The following SDK1 variants were observed in gnomAD, a reference collection of about 807,000 sequenced individuals.
SDK1 encodes protein sidekick-1.
A neutral mutation model predicts 245.5 loss-of-function variants in SDK1; 157 were observed. That is an observed-to-expected ratio of 0.64 (90% confidence interval 0.56 to 0.73). SDK1 has a LOEUF of 0.73. Ranked by LOEUF, SDK1 falls within the 30% of genes least tolerant of loss-of-function variation. SDK1 has a pLI of 0.00. For missense variants in SDK1, 3,583 were observed against 3,002.3 expected, an observed-to-expected ratio of 1.19 and a Z score of -4.52; for synonymous variants, 1,647 against 1,278.5, an observed-to-expected ratio of 1.29 and a Z score of -6.15.
chr7:4,116,423 C>G (rs1880856), intron 25 of SDK1, among the ~76,000 whole-genome samples: 102,157 of 152,176 alleles, frequency 0.67, 35,474 homozygotes, highest in East Asian at 0.89. Flanking sequence ...TGCATCTGCA[C>G]GTGCCACCCG....
chr7:3,561,071 T>C (rs1470586443), intron 1 of SDK1, among the ~76,000 whole-genome samples: 1 of 152,150 alleles, frequency 6.6e-6, no homozygotes, highest in African/African-American at 2.4e-5. Context: ...TTTCTTTCCT[T>C]CCCTTCCCCC....
chr7:3,833,809 C>G (rs1042407332), intron 5 of SDK1, among the ~76,000 whole-genome samples: 1 of 152,148 alleles, frequency 6.6e-6, no homozygotes, highest in African/African-American at 2.4e-5. Context: ...TTGTAAAAAC[C>G]ATGACAGCAT....
At chr7:3,647,332 C>T (rs1377575570) in intron 4 of SDK1, among the ~76,000 whole-genome samples, 2 of 152,144 alleles carry the variant, frequency 1.3e-5, no homozygotes, top group Non-Finnish European at 2.9e-5. Flanking sequence ...AAAGACTTCC[C>T]ACTGTGTACA....
intron 1 of SDK1, among the ~76,000 whole-genome samples, chr7:3,373,158 C>G (rs542688235): frequency 7.2e-5 from 11 of 152,266 alleles, no homozygotes; most frequent in African/African-American, 2.6e-4. Context: ...ATGCATACAC[C>G]TAACCTACTG....
At chr7:3,330,916 T>G (rs968311186) in intron 1 of SDK1, among the ~76,000 whole-genome samples, 22 of 151,754 alleles carry the variant, frequency 1.4e-4, no homozygotes, top group Admixed American at 3.9e-4. Flanking sequence ...CAGTAAACTT[T>G]GATCCTGTCA....
intron 13 of SDK1, among the ~76,000 whole-genome samples, chr7:3,982,997 A>G (rs1461206321): frequency 6.6e-6 from 1 of 152,174 alleles, no homozygotes; most frequent in Non-Finnish European, 1.5e-5. Flanking sequence ...GGAAACAGCA[A>G]GAGAACTAGA....
chr7:3,823,408 G>A (rs1318439262), intron 5 of SDK1, among the ~76,000 whole-genome samples: 1 of 152,106 alleles, frequency 6.6e-6, no homozygotes, highest in Non-Finnish European at 1.5e-5. Flanking sequence ...TCTGTTAGAA[G>A]AATTATTCCA....
intron 1 of SDK1, among the ~76,000 whole-genome samples, chr7:3,483,315 CT>C (rs900391579): frequency 6.6e-6 from 1 of 152,034 alleles, no homozygotes; most frequent in South Asian, 2.1e-4. Flanking sequence ...ATCTTGCCAC[CT>C]TTTTTTAGTT....
intron 4 of SDK1, among the ~76,000 whole-genome samples, chr7:3,765,000 A>G (rs1221315966): frequency 6.6e-6 from 1 of 152,176 alleles, no homozygotes; most frequent in Non-Finnish European, 1.5e-5. Flanking sequence ...AATCTCAAGT[A>G]TCTCAGTATA....
intron 1 of SDK1, among the ~76,000 whole-genome samples, chr7:3,444,376 C>G (rs573876350): frequency 1.6e-4 from 25 of 152,292 alleles, no homozygotes; most frequent in Middle Eastern, 6.8e-3. Flanking sequence ...ATTATTTTCT[C>G]TACCGTAGTC....
At chr7:3,473,636 C>A (rs1050739954) in intron 1 of SDK1, among the ~76,000 whole-genome samples, 1 of 151,994 alleles carries the variant, frequency 6.6e-6, no homozygotes, top group African/African-American at 2.4e-5. Context: ...TTCATGACTA[C>A]CTTTTATTTC....
intron 1 of SDK1, among the ~76,000 whole-genome samples, chr7:3,368,331 A>G (rs1481710769): frequency 1.3e-5 from 2 of 152,200 alleles, no homozygotes; most frequent in Non-Finnish European, 2.9e-5. Context: ...TTGTTCTCCC[A>G]TTAGGCTGCT....
At chr7:4,079,203 C>G (rs1238282028) in intron 21 of SDK1, among the ~76,000 whole-genome samples, 2 of 152,204 alleles carry the variant, frequency 1.3e-5, no homozygotes, top group Non-Finnish European at 2.9e-5. Flanking sequence ...CGTGTGCCTG[C>G]AGAGTTTCTC....
intron 1 of SDK1, among the ~76,000 whole-genome samples, chr7:3,595,522 T>A (rs1781025662): frequency 6.6e-6 from 1 of 152,038 alleles, no homozygotes; most frequent in East Asian, 1.9e-4. Flanking sequence ...TTAATAAAAC[T>A]CACCAGCACT....
intron 5 of SDK1, among the ~76,000 whole-genome samples, chr7:3,846,172 T>C (rs2115095109): frequency 6.6e-6 from 1 of 152,264 alleles, no homozygotes; most frequent in East Asian, 1.9e-4. Context: ...GTAAAAGAGC[T>C]CACTGGGGAT....
chr7:3,996,823 C>T (rs1784725074), intron 14 of SDK1, among the ~76,000 whole-genome samples: 1 of 152,124 alleles, frequency 6.6e-6, no homozygotes, highest in South Asian at 2.1e-4. Flanking sequence ...TTTTTCCTAT[C>T]TTGCTGTGTT....
intron 4 of SDK1, among the ~76,000 whole-genome samples, chr7:3,802,454 G>C (rs1779131228): frequency 6.6e-6 from 1 of 152,044 alleles, no homozygotes; most frequent in Non-Finnish European, 1.5e-5. Context: ...AGGATCACTT[G>C]AACCAGGGAG....
At chr7:3,860,086 A>ATT (rs1780653878) in intron 5 of SDK1, among the ~76,000 whole-genome samples, 1 of 149,544 alleles carries the variant, frequency 6.7e-6, no homozygotes, top group African/African-American at 2.6e-5. Context: ...CTCCTGGCTA[A>ATT]GTTTTTTGTA....
Position 3,672,788 on chromosome 7 carries a change from TATATATAA to T in SDK1, c.713+30685_713+30692del, listed in dbSNP as rs1425309994. 1.7e-3 allele frequency among the ~76,000 whole-genome samples: 176 copies of T among 105,624 alleles called. 10 individuals are homozygous for T. The East Asian group carries it at 0.017, about 10-fold the overall frequency. 69.3% of individuals were successfully genotyped at this position (105,624 alleles called of 152,430 possible). A position where few individuals can be genotyped will look rare whatever the true frequency, so the allele number is the denominator to read the frequency against. The stretch of plus-strand genomic sequence containing the variant: ...ATATATATATATATATATATATATA[TATATATAA>T]AAAATACAGAAAGCTCTAAGTATGC... On this transcript the variant is annotated intron_variant, in intron 4 of 44. Coordinates refer to ENST00000404826, the MANE Select transcript of SDK1 (RefSeq NM_152744.4).
Sources: gnomAD v4.1 joint callset for allele counts (sites outside exome capture counted in the v4.1 genomes callset) on GRCh38, gnomAD v4.1.1 for gene constraint, MANE v1.5 for transcripts, NCBI Gene and HGNC (gene_info 2026-07-23, HGNC 2026-07-21) for gene names.